Variants in CHFR observed in about 807,000 individuals in gnomAD.
CHFR encodes E3 ubiquitin-protein ligase CHFR.
CHFR carries 57 observed loss-of-function variants against 87.6 expected under a neutral mutation model. The ratio of observed to expected loss-of-function variants is 0.65; its 90% CI spans 0.53 to 0.81. The LOEUF (loss-of-function observed/expected upper bound fraction) is 0.81, where lower values mean the gene tolerates loss of function less well. Ranked by LOEUF, CHFR falls within the 30% of genes least tolerant of loss-of-function variation. CHFR has a pLI of 0.00. For synonymous variants in CHFR, 381 were observed against 359.2 expected, an observed-to-expected ratio of 1.06 and a Z score of -0.69; for missense variants, 797 against 865.8, an observed-to-expected ratio of 0.92 and a Z score of 1.00.
intron 2 of CHFR, among the ~76,000 whole-genome samples, 195 bp from the exon 3 acceptor site, chr12:132,877,849 C>T (rs1951665142): frequency 6.6e-6 from 1 of 151,958 alleles, no homozygotes; most frequent in Non-Finnish European, 1.5e-5. Flanking sequence ...GTCGCCCAGG[C>T]TGGAGTGCAG....
Position 132,834,659 on chromosome 12 carries a change from C to T in CHFR, c.*6895G>A, listed in dbSNP as rs935349824. 1.1e-4 allele frequency: 16 copies of T among 152,234 alleles called. No individual in the cohort carries two copies. Among genetic ancestry groups the T allele is most frequent in the Admixed American group, 1.0e-3 (16 of 15,254 alleles). The allele number at this position is 152,234 out of a possible 1,614,324, so 9.4% of individuals were successfully genotyped here. ...GCTCCCTCTGCAAAGCACATCCCTCCCACCTCTTCTCTGTCACCAAGCCTC... is the reference window on the plus strand; with the variant it reads ...GCTCCCTCTGCAAAGCACATCCCTCTCACCTCTTCTCTGTCACCAAGCCTC... On this transcript the variant is annotated 3_prime_UTR_variant, in exon 18 of 18. Coordinates refer to ENST00000450056, the MANE Select transcript of CHFR (RefSeq NM_001161346.2).
chr12:132,884,576 G>C (rs1477583109), intron 2 of CHFR, among the ~76,000 whole-genome samples: 2 of 152,160 alleles, frequency 1.3e-5, no homozygotes, highest in African/African-American at 4.8e-5. Flanking sequence ...AATGGGGCCT[G>C]TGAGCTGATA....
chr12:132,853,794 GC>G, intron 10 of CHFR: 1 of 539,368 alleles, frequency 1.9e-6, no homozygotes, highest in African/African-American at 2.0e-5. Context: ...CCCCAGCTCA[GC>G]CCCCACGCTT....
At chr12:132,879,005 GTTTGT>G (rs927128752) in intron 2 of CHFR, among the ~76,000 whole-genome samples, 12 of 133,716 alleles carry the variant, frequency 9.0e-5, no homozygotes, top group African/African-American at 3.4e-4. Flanking sequence ...TTTTGTTTTT[GTTTGT>G]TTTTTTTTTT....
At chr12:132,848,561 C>T in intron 13 of CHFR, 80 bp downstream of exon 13, 1 of 1,082,678 alleles carries the variant, frequency 9.2e-7, no homozygotes, top group Non-Finnish European at 1.4e-6. Flanking sequence ...AGGCTATGGA[C>T]CCCACCATCC....
At chr12:132,863,759 T>A (rs1027569963) in intron 6 of CHFR, among the ~76,000 whole-genome samples, 2 of 152,122 alleles carry the variant, frequency 1.3e-5, no homozygotes, top group African/African-American at 4.8e-5. Context: ...GACTTTCTAA[T>A]CACCTCTATC....
intron 8 of CHFR, 73 bp from the exon 9 acceptor site, chr12:132,857,632 C>A (rs968513237): frequency 6.8e-7 from 1 of 1,470,204 alleles, no homozygotes; most frequent in African/African-American, 1.4e-5. Flanking sequence ...AGGTCCGCAG[C>A]AGCCCCACCA....
At chr12:132,880,677 C>G (rs952480040) in intron 2 of CHFR, among the ~76,000 whole-genome samples, 2 of 135,462 alleles carry the variant, frequency 1.5e-5, no homozygotes, top group African/African-American at 5.9e-5. Context: ...AAAAAAAAGT[C>G]AATTCTGGGC....
intron 7 of CHFR, among the ~76,000 whole-genome samples, chr12:132,859,607 C>T (rs1346795249): frequency 6.6e-6 from 1 of 152,186 alleles, no homozygotes; most frequent in African/African-American, 2.4e-5. Context: ...GCCTCGGCCT[C>T]CCAAAGTACT....
Position 132,839,522 on chromosome 12 carries a change from CCT to C in CHFR, c.*2030_*2031del, listed in dbSNP as rs1318830997. On this transcript the variant is annotated 3_prime_UTR_variant, in exon 18 of 18. Coordinates refer to ENST00000450056, the MANE Select transcript of CHFR (RefSeq NM_001161346.2). Reference sequence around the variant, plus strand: ...GCCTCTGCACAAACTCAGGACCTCCCCTCTCGGCCTCACCCCCGCACTAACTC... The same window carrying C: ...GCCTCTGCACAAACTCAGGACCTCCCCTCGGCCTCACCCCCGCACTAACTC... 1 of 164,420 alleles carries C rather than the reference CCT, an allele frequency of 6.1e-6. No individual in the cohort carries two copies. The highest frequency in any genetic ancestry group is 1.3e-5 in the Non-Finnish European group (1 of 76,832). 10.2% of individuals were successfully genotyped at this position (164,420 alleles called of 1,614,324 possible). A position where few individuals can be genotyped will look rare whatever the true frequency, so the allele number is the denominator to read the frequency against.
Position 132,868,388 on chromosome 12 carries a change from C to CTGAGGCAGGAAA in CHFR, c.583+1219_583+1230dup, listed in dbSNP as rs568653694. ...GCCTGTAGTCCCAGCTACTCAGAGGCTGAGGCAGGAAAATGGCGTGGACCC... is the reference window on the plus strand; with the variant it reads ...GCCTGTAGTCCCAGCTACTCAGAGGCTGAGGCAGGAAATGAGGCAGGAAAATGGCGTGGACCC... On this transcript the variant is annotated intron_variant, in intron 6 of 17. Transcript: ENST00000450056. Among the ~76,000 whole-genome samples the CTGAGGCAGGAAA allele has an allele frequency of 7.3e-3, 1,108 of 152,048 alleles. 11 individuals are homozygous for CTGAGGCAGGAAA. Among genetic ancestry groups the CTGAGGCAGGAAA allele is most frequent in the African/African-American group, 0.025 (1,045 of 41,344 alleles).
chr12:132,853,792 C>A, intron 10 of CHFR: 1 of 543,186 alleles, frequency 1.8e-6, no homozygotes. Context: ...ATCCCCAGCT[C>A]AGCCCCCACG....
At chr12:132,882,382 T>A (rs1245100713) in intron 2 of CHFR, among the ~76,000 whole-genome samples, 3 of 152,162 alleles carry the variant, frequency 2.0e-5, no homozygotes, top group Non-Finnish European at 2.9e-5. Context: ...GGGGGACCTT[T>A]CAGGGTGACG....
chr12:132,842,661 C>T (rs894321652), intron 17 of CHFR, among the ~76,000 whole-genome samples: 2 of 152,236 alleles, frequency 1.3e-5, no homozygotes, highest in South Asian at 2.1e-4. Flanking sequence ...TGCCTGCTCA[C>T]GGGACGGACG....
intron 15 of CHFR, among the ~76,000 whole-genome samples, chr12:132,845,434 G>GTGGA (rs1950796431): frequency 6.6e-6 from 1 of 151,304 alleles, no homozygotes. Context: ...CTCCAGCCTG[G>GTGGA]GTGACACAGC....
In CHFR at chr12:132,864,329, C is replaced by T. The variant is rs147204982; in HGVS notation, c.584-2695G>A. ...ACTCACGCCATCATCTCCAGCGCCCCGTGCTCAGCCAACGTGGAGAGGAGC... is the reference window on the plus strand; with the variant it reads ...ACTCACGCCATCATCTCCAGCGCCCTGTGCTCAGCCAACGTGGAGAGGAGC... On this transcript the variant is annotated intron_variant, in intron 6 of 17. Coordinates refer to ENST00000450056, the MANE Select transcript of CHFR (RefSeq NM_001161346.2). Among the ~76,000 whole-genome samples, 32 of 152,314 alleles carry T rather than the reference C, an allele frequency of 2.1e-4. No individual in the cohort carries two copies. The East Asian group carries it at 4.4e-3, about 21-fold the overall frequency.
In CHFR at chr12:132,848,654, C is replaced by T. The variant is rs966632867; in HGVS notation, c.1563G>A (p.Leu521=). The T allele has an allele frequency of 1.9e-6, 3 of 1,592,872 alleles. No individual in the cohort carries two copies. The highest frequency in any genetic ancestry group is 2.6e-6 in the Non-Finnish European group (3 of 1,170,168). ...AGCCAGTATTACCACAAAACGGGGCCAGGCAGCCGTAGCAGCCGGTCCGGG... is the reference window on the plus strand; with the variant it reads ...AGCCAGTATTACCACAAAACGGGGCTAGGCAGCCGTAGCAGCCGGTCCGGG... ...GCTRTGCYGC[L]APFCELNLGD... is the part of the protein sequence containing the mutation. The change falls in exon 13 of 18, where the codon CTG becomes CTA. Residue 521 remains leucine, a synonymous_variant. Coordinates refer to ENST00000450056, the MANE Select transcript of CHFR (RefSeq NM_001161346.2).
chr12:132,885,367 C>T (rs1461096451), intron 2 of CHFR, among the ~76,000 whole-genome samples: 1 of 141,080 alleles, frequency 7.1e-6, no homozygotes, highest in Admixed American at 7.1e-5. Context: ...GCCGAGATCG[C>T]GCCACTGCAC....
At chr12:132,862,252 G>A (rs1798540552) in intron 6 of CHFR, 7 of 244,136 alleles carry the variant, frequency 2.9e-5, no homozygotes, top group South Asian at 2.2e-4. Flanking sequence ...TCCAGCCTGG[G>A]CAACAAGAGC....
Sources: gnomAD v4.1 joint callset for allele counts (sites outside exome capture counted in the v4.1 genomes callset) on GRCh38, gnomAD v4.1.1 for gene constraint, MANE v1.5 for transcripts, NCBI Gene and HGNC (gene_info 2026-07-23, HGNC 2026-07-21) for gene names.